Variants in TRAPPC13 observed in about 807,000 individuals in gnomAD.
TRAPPC13 encodes trafficking protein particle complex subunit 13.
TRAPPC13 carries 39 observed loss-of-function variants against 54.0 expected under a neutral mutation model. The ratio of observed to expected loss-of-function variants is 0.72; its 90% CI spans 0.56 to 0.94. The LOEUF is 0.94. TRAPPC13 is among the 40% of genes least tolerant of loss of function. The pLI, the probability that TRAPPC13 is intolerant of heterozygous loss-of-function variation, is 0.00. For synonymous variants in TRAPPC13, 148 were observed against 167.7 expected, an observed-to-expected ratio of 0.88 and a Z score of 0.91; for missense variants, 386 against 488.1, an observed-to-expected ratio of 0.79 and a Z score of 1.97.
intron 1 of TRAPPC13, among the ~76,000 whole-genome samples, chr5:65,628,637 A>G (rs183306198): frequency 1.9e-3 from 281 of 151,704 alleles, no homozygotes; most frequent in Non-Finnish European, 3.1e-3. Context: ...ACAGCCGGCT[A>G]TTTTTTGTAT....
intron 7 of TRAPPC13, among the ~76,000 whole-genome samples, chr5:65,654,560 C>T (rs1307895943): frequency 6.6e-6 from 1 of 152,016 alleles, no homozygotes; most frequent in East Asian, 1.9e-4. Context: ...TTATGTTGAC[C>T]CCAACCAGGA....
intron 1 of TRAPPC13, chr5:65,629,715 C>T: frequency 6.5e-7 from 1 of 1,536,062 alleles, no homozygotes; most frequent in Non-Finnish European, 8.7e-7. Context: ...CCTTGGTTTC[C>T]ATATGATGGG....
chr5:65,641,137 T>C (rs1364160202), intron 4 of TRAPPC13, among the ~76,000 whole-genome samples: 9 of 152,064 alleles, frequency 5.9e-5, no homozygotes, highest in African/African-American at 2.2e-4. Context: ...TCTTGCTATG[T>C]TGCTCAAGCA....
In TRAPPC13 at chr5:65,660,431, T is replaced by TA. The variant is rs368672182; in HGVS notation, c.699-255dup. Among the ~76,000 whole-genome samples the TA allele has an allele frequency of 6.6e-4, 92 of 139,884 alleles. 1 individual carries two copies. The highest frequency in any genetic ancestry group is 2.9e-3 in the East Asian group (14 of 4,870). 91.8% of individuals were successfully genotyped at this position (139,884 alleles called of 152,430 possible). A position where few individuals can be genotyped will look rare whatever the true frequency, so the allele number is the denominator to read the frequency against. On this transcript the variant is annotated intron_variant, in intron 9 of 12. Coordinates refer to ENST00000399438, the MANE Select transcript of TRAPPC13 (RefSeq NM_024941.4). ...CAAGACCCTGTCTCTTAAAATTATT[T>TA]AAAAAAAAAAAAAGGGACCCCTGCC...
chr5:65,659,967 CAAAA>C (rs141876171), intron 9 of TRAPPC13, among the ~76,000 whole-genome samples: 12 of 95,228 alleles, frequency 1.3e-4, no homozygotes, highest in East Asian at 6.9e-4. Context: ...GTATTTTAAA[CAAAA>C]AAAAAAAAAA....
In TRAPPC13 at chr5:65,662,150, G is replaced by A. The variant is rs1167950339; in HGVS notation, c.998G>A (p.Ser333Asn). ...ATTACCTGTAAAATAACAAACTGCA[G>A]GTAATGCCACTGTTTGTAGATGGAT... ...FHITCKITNC[S>N]ERTMDLVLEM... Residue 333 changes from serine (S) to asparagine (N), a missense_variant and splice_region_variant, in exon 11 of 13, where the codon AGT (serine) becomes AAT (asparagine). Physicochemically the swap from Ser to Asn is conservative, Grantham distance 46. Transcript: ENST00000399438. 3 of 1,596,966 alleles carry A rather than the reference G, an allele frequency of 1.9e-6. No homozygotes were observed. Among genetic ancestry groups the A allele is most frequent in the Non-Finnish European group, 2.6e-6 (3 of 1,171,160 alleles).
intron 8 of TRAPPC13, among the ~76,000 whole-genome samples, chr5:65,656,900 C>T (rs1163236110): frequency 6.6e-6 from 1 of 150,994 alleles, no homozygotes; most frequent in Admixed American, 6.6e-5. Flanking sequence ...AGTGAAACTT[C>T]GTCTCAAAAT....
In TRAPPC13 at chr5:65,626,600, G is replaced by A. The variant is rs1755244509; in HGVS notation, c.46+1494G>A. 1.3e-5 allele frequency among the ~76,000 whole-genome samples: 2 copies of A among 152,094 alleles called. 1 individual carries two copies. The highest frequency in any genetic ancestry group is 4.1e-4 in the South Asian group (2 of 4,830). ...AAATACAAAAAGTTAGCCAGGCGTG[G>A]TGGCGGGCGCCTGTAGTCCCAGTTA... On this transcript the variant is annotated intron_variant, in intron 1 of 12. Coordinates refer to ENST00000399438, the MANE Select transcript of TRAPPC13 (RefSeq NM_024941.4).
chr5:65,661,838 C>G, intron 10 of TRAPPC13: 1 of 436,286 alleles, frequency 2.3e-6, no homozygotes, highest in East Asian at 3.9e-5. Flanking sequence ...AATTATATAA[C>G]AAAAACAGTC....
At chr5:65,657,590 T>G (rs1200052718) in intron 8 of TRAPPC13, among the ~76,000 whole-genome samples, 2 of 152,182 alleles carry the variant, frequency 1.3e-5, no homozygotes, top group Non-Finnish European at 2.9e-5. Context: ...CCAAATAGCA[T>G]AAAATAATGT....
intron 4 of TRAPPC13, among the ~76,000 whole-genome samples, chr5:65,638,307 G>A (rs1581213977): frequency 6.6e-6 from 1 of 152,132 alleles, no homozygotes; most frequent in Non-Finnish European, 1.5e-5. Context: ...TGATTGCTTG[G>A]GTGAGAAAAT....
intron 7 of TRAPPC13, among the ~76,000 whole-genome samples, chr5:65,653,988 T>G (rs1277395897): frequency 6.6e-6 from 1 of 152,168 alleles, no homozygotes; most frequent in Non-Finnish European, 1.5e-5. Flanking sequence ...AAATGTTAAC[T>G]ATTCTGTTAG....
rs1009299136 is a variant in TRAPPC13, at chr5:65,637,770, T to C, written c.290T>C (p.Ile97Thr). The change falls in exon 4 of 13, where the codon ATA (isoleucine) becomes ACA (threonine). Residue 97 changes from isoleucine (I) to threonine (T), a missense_variant. By Grantham distance (89) the Ile-to-Thr change is moderately conservative (BLOSUM62 -1). Transcript: ENST00000399438. The part of the protein sequence containing the change: ...HNDSNQVVKD[I>T]LVKADLQTSS... ...GATAGCAATCAAGTTGTAAAAGACA[T>C]ATTAGTAAAAGTAAGTAACATTCTT... 5.1e-6 allele frequency: 8 copies of C among 1,556,342 alleles called. No homozygotes were observed. The African/African-American group carries it at 1.1e-4, about 22-fold the overall frequency.
At chr5:65,630,128 C>T (rs2150661548) in intron 1 of TRAPPC13, 8 of 1,536,016 alleles carry the variant, frequency 5.2e-6, no homozygotes, top group Non-Finnish European at 7.0e-6. Context: ...CAGCCAAACT[C>T]TGGAAGACAT....
At chr5:65,652,932 G>A (rs1180389538) in intron 7 of TRAPPC13, among the ~76,000 whole-genome samples, 2 of 151,896 alleles carry the variant, frequency 1.3e-5, no homozygotes, top group Admixed American at 1.3e-4. Flanking sequence ...TATTCACATG[G>A]AAAAATACTG....
intron 4 of TRAPPC13, 142 bp from the exon 5 acceptor site, chr5:65,646,913 G>T: frequency 1.3e-6 from 1 of 757,956 alleles, no homozygotes; most frequent in Non-Finnish European, 2.0e-6. Context: ...ATACAGAAAG[G>T]TTTACACATA....
intron 1 of TRAPPC13, among the ~76,000 whole-genome samples, chr5:65,631,110 A>C (rs964499663): frequency 1.3e-5 from 2 of 152,214 alleles, no homozygotes; most frequent in Non-Finnish European, 2.9e-5. Flanking sequence ...ACTTTGCACT[A>C]GGTGCTAGGA....
At chr5:65,635,497 T>C (rs1365984265) in intron 2 of TRAPPC13, 128 bp downstream of exon 2, 3 of 740,684 alleles carry the variant, frequency 4.1e-6, no homozygotes, top group Non-Finnish European at 6.7e-6. Flanking sequence ...TTGTTGCCTA[T>C]TTTTGTATCA....
chr5:65,644,440 C>T (rs1268710655), intron 4 of TRAPPC13, among the ~76,000 whole-genome samples: 1 of 152,164 alleles, frequency 6.6e-6, no homozygotes, highest in Non-Finnish European at 1.5e-5. Flanking sequence ...TAAGTTCCCC[C>T]AACCCCTTTC....
Sources: allele counts gnomAD v4.1 joint callset (sites outside exome capture counted in the v4.1 genomes callset), GRCh38; gene constraint gnomAD v4.1.1; transcripts MANE v1.5; gene names NCBI Gene and HGNC (gene_info 2026-07-23, HGNC 2026-07-21).